Variants in PSD3 observed in about 807,000 individuals in gnomAD.
PSD3 encodes the protein pleckstrin and Sec7 domain containing 3, also known as PH and SEC7 domain-containing protein 3.
PSD3 carries 49 observed loss-of-function variants against 105.5 expected under a neutral mutation model. The ratio of observed to expected loss-of-function variants is 0.46; its 90% CI spans 0.37 to 0.59. The LOEUF (loss-of-function observed/expected upper bound fraction) is 0.59. PSD3 is among the 20% of genes least tolerant of loss of function. PSD3 has a pLI of 0.00. For synonymous variants in PSD3, 557 were observed against 457.8 expected (o/e 1.22, Z -2.77); for missense variants, 1,561 against 1,263.8 (o/e 1.24, Z -3.57).
At chr8:18,792,498 TG>T (rs1372231861) in intron 8 of PSD3, among the ~76,000 whole-genome samples, 1 of 152,166 alleles carries the variant, frequency 6.6e-6, no homozygotes, top group Non-Finnish European at 1.5e-5. Flanking sequence ...CACTTGTAAG[TG>T]GGAGCTGAAT....
At chr8:18,681,150 G>A (rs1386686882) in intron 9 of PSD3, among the ~76,000 whole-genome samples, 2 of 152,094 alleles carry the variant, frequency 1.3e-5, no homozygotes, top group African/African-American at 2.4e-5. Flanking sequence ...TAAATCCCAG[G>A]AGCGAACCAC....
At chr8:18,824,281 G>T (rs1423723743) in intron 4 of PSD3, among the ~76,000 whole-genome samples, 3 of 152,224 alleles carry the variant, frequency 2.0e-5, no homozygotes, top group African/African-American at 4.8e-5. Flanking sequence ...TCTGTCTTCA[G>T]TCCTAGAGTA....
At chr8:19,023,889 T>C (rs1044061174) in intron 1 of PSD3, among the ~76,000 whole-genome samples, 6 of 152,226 alleles carry the variant, frequency 3.9e-5, no homozygotes, top group African/African-American at 1.4e-4. Context: ...ATTGCCCTGA[T>C]TTAATTTTCT....
At chr8:18,653,564 T>C (rs573891142) in intron 10 of PSD3, among the ~76,000 whole-genome samples, 4 of 152,172 alleles carry the variant, frequency 2.6e-5, no homozygotes, top group African/African-American at 9.6e-5. Flanking sequence ...AGCTACTACA[T>C]GAAAAAGCTG....
intron 9 of PSD3, chr8:18,732,779 C>G (rs756325984): frequency 2.6e-5 from 4 of 152,034 alleles, no homozygotes; most frequent in Non-Finnish European, 5.9e-5. Context: ...ACAACATGTT[C>G]GTGCAGGGAT....
intron 4 of PSD3, among the ~76,000 whole-genome samples, chr8:18,816,148 T>C (rs1487900530): frequency 2.0e-5 from 3 of 152,204 alleles, no homozygotes; most frequent in Non-Finnish European, 2.9e-5. Flanking sequence ...CCAATATGAA[T>C]GAATTAGTAA....
At chr8:18,930,237 T>C (rs1272640822) in intron 2 of PSD3, among the ~76,000 whole-genome samples, 3 of 152,074 alleles carry the variant, frequency 2.0e-5, no homozygotes, top group African/African-American at 7.2e-5. Flanking sequence ...ATAGAGCCAA[T>C]TACCCACAGG....
chr8:18,850,335 GCTCCTTTCAGGTA>G (rs1815460906), intron 4 of PSD3, among the ~76,000 whole-genome samples: 1 of 152,140 alleles, frequency 6.6e-6, no homozygotes, highest in Admixed American at 6.5e-5. Context: ...TTTCTCCCTG[GCTCCTTTCAGGTA>G]CTCACAGCTC....
At chr8:18,640,576 G>A (rs189601756) in intron 10 of PSD3, among the ~76,000 whole-genome samples, 2 of 152,246 alleles carry the variant, frequency 1.3e-5, no homozygotes, top group Admixed American at 6.5e-5. Context: ...GAAGAAGGAC[G>A]TGTTTCCTTC....
chr8:18,834,140 C>T (rs1290148088), intron 4 of PSD3, among the ~76,000 whole-genome samples: 1 of 152,060 alleles, frequency 6.6e-6, no homozygotes, highest in Non-Finnish European at 1.5e-5. Context: ...TAATCCAATT[C>T]AAAGAGCACA....
chr8:18,902,015 A>T (rs1819535561), intron 2 of PSD3, among the ~76,000 whole-genome samples: 1 of 152,154 alleles, frequency 6.6e-6, no homozygotes, highest in African/African-American at 2.4e-5. Flanking sequence ...GGCAAAAAAG[A>T]AAAAAGAAAA....
chr8:18,729,301 G>C (rs1803559582), intron 9 of PSD3, among the ~76,000 whole-genome samples: 1 of 152,184 alleles, frequency 6.6e-6, no homozygotes, highest in South Asian at 2.1e-4. Flanking sequence ...TAAGGAAACA[G>C]CTCTAAGTGG....
At chr8:18,612,332 TG>T (rs1805325434) in intron 11 of PSD3, among the ~76,000 whole-genome samples, 1 of 152,142 alleles carries the variant, frequency 6.6e-6, no homozygotes, top group African/African-American at 2.4e-5. Flanking sequence ...GAATTTTTTT[TG>T]TAAGTCAATG....
Position 18,612,424 on chromosome 8 carries a change from G to A in PSD3, c.2411-11990C>T, listed in dbSNP as rs183061984. Among the ~76,000 whole-genome samples, 546 of 151,948 alleles carry A rather than the reference G, an allele frequency of 3.6e-3. 2 individuals are homozygous for A. Among genetic ancestry groups the A allele is most frequent in the African/African-American group, 0.013 (520 of 41,408 alleles). On this transcript the variant is annotated intron_variant, in intron 11 of 15. Transcript: ENST00000327040. ...AGTCTTGCTCTGTTGCCAGACTGGA[G>A]AGCAGCGGCGTGATCTCGGCTCACT...
chr8:19,044,892 A>T (rs768622979), intron 1 of PSD3, among the ~76,000 whole-genome samples: 15 of 152,204 alleles, frequency 9.9e-5, no homozygotes, highest in Non-Finnish European at 1.9e-4. Context: ...TTTTAAGAAA[A>T]GTAATGTCCA....
At chr8:18,834,718 G>A (rs1813960211) in intron 4 of PSD3, among the ~76,000 whole-genome samples, 1 of 152,148 alleles carries the variant, frequency 6.6e-6, no homozygotes, top group Non-Finnish European at 1.5e-5. Flanking sequence ...GAGTTATATA[G>A]AGGAACAAAG....
rs78118148 is a variant in PSD3 at position 18,697,255 on chromosome 8, G to T, written c.2173-41570C>A. ...TCGACAGCGACATGGGGTGAGTGGC[G>T]ACAATACTGGGTATCACAGGCAAGG... On this transcript the variant is annotated intron_variant, in intron 9 of 15. Coordinates refer to ENST00000327040, the MANE Select transcript of PSD3 (RefSeq NM_015310.4). 5.3e-3 allele frequency among the ~76,000 whole-genome samples: 812 copies of T among 152,216 alleles called. 8 individuals are homozygous for T. The highest frequency in any genetic ancestry group is 0.019 in the African/African-American group (789 of 41,530).
chr8:18,738,533 A>G (rs779510026), intron 9 of PSD3, among the ~76,000 whole-genome samples: 2 of 152,230 alleles, frequency 1.3e-5, no homozygotes, highest in African/African-American at 4.8e-5. Flanking sequence ...CACAGCAGCC[A>G]TATTATAAAA....
chr8:18,858,302 A>C (rs1816181945), intron 4 of PSD3, among the ~76,000 whole-genome samples: 1 of 152,178 alleles, frequency 6.6e-6, no homozygotes, highest in African/African-American at 2.4e-5. Flanking sequence ...TTAAAAACAA[A>C]CTTTATTGCT....
Sources: allele counts gnomAD v4.1 joint callset (sites outside exome capture counted in the v4.1 genomes callset), GRCh38; gene constraint gnomAD v4.1.1; transcripts MANE v1.5; gene names NCBI Gene and HGNC (gene_info 2026-07-23, HGNC 2026-07-21).